CABIN1: variants seen among roughly 807,000 people sequenced by gnomAD.
CABIN1 encodes calcineurin binding protein 1, also known as calcineurin-binding protein cabin-1.
A neutral mutation model predicts 227.7 loss-of-function variants in CABIN1; 133 were observed. The ratio of observed to expected loss-of-function variants is 0.58; its 90% CI spans 0.51 to 0.67. The LOEUF (loss-of-function observed/expected upper bound fraction) is 0.67. CABIN1 is among the 30% of genes least tolerant of loss of function. The probability of loss-of-function intolerance (pLI) is 0.00; values close to 1 mark genes in which losing one functional copy is unlikely to be tolerated. For missense variants in CABIN1, 2,408 were observed against 2,852.5 expected (o/e 0.84, Z 3.55); for synonymous variants, 1,086 against 1,155.1 (o/e 0.94, Z 1.21).
intron 16 of CABIN1, among the ~76,000 whole-genome samples, chr22:24,067,935 C>T (rs770441457): frequency 5.9e-5 from 9 of 152,088 alleles, no homozygotes; most frequent in Admixed American, 3.9e-4. Context: ...GAAGATAATA[C>T]GCAAAATATG....
chr22:24,136,645 C>T (rs745729975), intron 29 of CABIN1, among the ~76,000 whole-genome samples: 3 of 147,376 alleles, frequency 2.0e-5, no homozygotes, highest in African/African-American at 5.1e-5. Context: ...GGATTACAGG[C>T]GTGAGTCACT....
chr22:24,166,833 C>T lies in CABIN1; in HGVS notation c.5202C>T (p.Ala1734=), dbSNP rs758198372. Reference sequence around the variant, plus strand: ...GCCTCCTCAACCACCGGCCTGTGGCCATGGATGCAGGAGACAGTGCAGACC... The same window carrying T: ...GCCTCCTCAACCACCGGCCTGTGGCTATGGATGCAGGAGACAGTGCAGACC... ...KVGLLNHRPV[A]MDAGDSADQS... Residue 1734 remains alanine (A), a synonymous_variant, in exon 32 of 37, where the codon GCC becomes GCT. Coordinates refer to ENST00000263119, the MANE Select transcript of CABIN1 (RefSeq NM_012295.4). 3 of 1,613,028 alleles carry T rather than the reference C, an allele frequency of 1.9e-6. No homozygotes were observed. Among genetic ancestry groups the T allele is most frequent in the Non-Finnish European group, 2.5e-6 (3 of 1,179,950 alleles).
Position 24,072,411 on chromosome 22 carries a change from G to A in CABIN1, c.2533G>A (p.Val845Met), listed in dbSNP as rs1211738684. Residue 845 changes from valine (V) to methionine (M), a missense_variant, in exon 18 of 37, where the codon GTG (valine) becomes ATG (methionine). Val to Met is a conservative substitution (Grantham distance 21). Around this residue, in one of 3 missense-constraint regions of CABIN1, gnomAD observed 1,045 missense variants for 1,168.4 expected, o/e 0.89. Coordinates refer to ENST00000263119, the MANE Select transcript of CABIN1 (RefSeq NM_012295.4). The stretch of plus-strand genomic sequence containing the variant: ...GGCCAAGGAGCCCCACGTCTCTTCA[G>A]TGCTACCCTGGATCATTCTACACCG... The part of the protein sequence containing the change: ...EEAKEPHVSS[V>M]LPWIILHRII... 1.2e-6 allele frequency: 2 copies of A among 1,614,210 alleles called. No individual in the cohort carries two copies. The highest frequency in any genetic ancestry group is 1.7e-6 in the Non-Finnish European group (2 of 1,180,024).
chr22:24,090,540 C>T (rs1050490145), intron 23 of CABIN1, among the ~76,000 whole-genome samples: 25 of 131,120 alleles, frequency 1.9e-4, no homozygotes, highest in South Asian at 6.8e-4. Context: ...TTTTTTTTTC[C>T]TGAGAAGTGT....
At position 24,168,511 on chromosome 22, in the gene CABIN1, C is replaced by G. The variant is rs925942907; in HGVS notation, c.5747C>G (p.Ala1916Gly). 1.3e-6 allele frequency: 2 copies of G among 1,557,854 alleles called. No homozygotes were observed. The highest frequency in any genetic ancestry group is 2.7e-5 in the African/African-American group (2 of 73,390). The change falls in exon 33 of 37, where the codon GCC becomes GGC. Residue 1916 changes from alanine (A) to glycine (G), a missense_variant. By Grantham distance (60) the Ala-to-Gly change is moderately conservative. This residue lies in a region of CABIN1 where 714 missense variants were observed against 773.8 expected (regional missense o/e 0.92). Coordinates refer to ENST00000263119, the MANE Select transcript of CABIN1 (RefSeq NM_012295.4). ...KFCQVHLGAA[A>G]QRQASGDTPT... Reference sequence around the variant, plus strand: ...TGCCAGGTCCATCTTGGGGCTGCCGCCCAGAGACAGGTAAGCCCAATTTAG... The same window carrying G: ...TGCCAGGTCCATCTTGGGGCTGCCGGCCAGAGACAGGTAAGCCCAATTTAG...
chr22:24,103,307 A>C (rs1401571148), intron 26 of CABIN1: 2 of 152,006 alleles, frequency 1.3e-5, no homozygotes, highest in Non-Finnish European at 2.9e-5. Context: ...CTATATTTCC[A>C]TTGCTTTGCT....
chr22:24,082,659 G>A (rs921708424), intron 19 of CABIN1, among the ~76,000 whole-genome samples: 11 of 152,050 alleles, frequency 7.2e-5, no homozygotes, highest in African/African-American at 9.7e-5. Context: ...AATAGCCGTC[G>A]GCTCTCATAT....
At chr22:24,084,519 A>G (rs2041020285) in intron 20 of CABIN1, 60 bp from the exon 21 acceptor site, 5 of 1,356,372 alleles carry the variant, frequency 3.7e-6, no homozygotes, top group Non-Finnish European at 5.3e-6. Context: ...GAGGAATGCA[A>G]TTTTCCTTCT....
chr22:24,177,896 G>A lies in CABIN1; in HGVS notation c.6519+79G>A. The A allele has an allele frequency of 2.6e-6, 4 of 1,518,796 alleles. No individual in the cohort carries two copies. The highest frequency in any genetic ancestry group is 1.9e-5 in the Admixed American group (1 of 53,624). 94.1% of individuals were successfully genotyped at this position (1,518,796 alleles called of 1,614,324 possible). On this transcript the variant is annotated intron_variant, in intron 36 of 36. Transcript: ENST00000263119. This position sits in a 1 kb window ranked among gnomAD's most constrained non-coding sequence, Gnocchi z 4.4. The stretch of plus-strand genomic sequence containing the variant: ...AAGGGGGCCTAGGATGGGGGTGGGG[G>A]TGGCAGGAGGGCCTGGGGTGTGGGT...
intron 3 of CABIN1, among the ~76,000 whole-genome samples, chr22:24,037,278 A>T (rs1322942745): frequency 6.6e-6 from 1 of 150,526 alleles, no homozygotes; most frequent in East Asian, 2.0e-4. Context: ...AAAAAAAAAA[A>T]GAAAAGAAAA....
intron 28 of CABIN1, among the ~76,000 whole-genome samples, chr22:24,128,702 C>T (rs796803967): frequency 5.3e-5 from 8 of 152,340 alleles, no homozygotes; most frequent in African/African-American, 1.2e-4. Context: ...TCATGGAACC[C>T]GTGAGCACCA....
In CABIN1 at chr22:24,101,867, A is replaced by ATG. The variant is rs60565595; in HGVS notation, c.4117+3692_4117+3693dup. 5.3e-3 allele frequency: 809 copies of ATG among 151,460 alleles called. 5 individuals are homozygous for ATG. The highest frequency in any genetic ancestry group is 7.4e-3 in the Non-Finnish European group (503 of 67,976). 9.4% of individuals were successfully genotyped at this position (151,460 alleles called of 1,614,324 possible). On this transcript the variant is annotated intron_variant, in intron 26 of 36. Transcript: ENST00000263119. ...CCCTGTGTACAGTATGCGTGTATGTATGTGTGTGTGTGTGTGTGCCCGTGT... is the reference window on the plus strand; with the variant it reads ...CCCTGTGTACAGTATGCGTGTATGTATGTGTGTGTGTGTGTGTGTGCCCGTGT...
chr22:24,079,728 G>A (rs770272569), intron 19 of CABIN1, among the ~76,000 whole-genome samples: 37 of 152,154 alleles, frequency 2.4e-4, no homozygotes, highest in Admixed American at 1.8e-3. Context: ...CACATGATTT[G>A]CCCATCTTTC....
chr22:24,087,338 T>C, intron 22 of CABIN1, 114 bp from the exon 23 acceptor site: 1 of 1,370,524 alleles, frequency 7.3e-7, no homozygotes, highest in East Asian at 2.4e-5. Flanking sequence ...CTCTGAGCCC[T>C]GGTGTGGGAA....
At position 24,062,948 on chromosome 22, in the gene CABIN1, A is replaced by G; in HGVS notation, c.1697-11A>G. ...CACATGAAGTTGACTCGTTGGCCTG[A>G]TGGTTTTTAGTGTCTCCTCGGAACT... On this transcript the variant is annotated splice_polypyrimidine_tract_variant and intron_variant, in intron 13 of 36. Transcript: ENST00000263119. 1 of 1,613,892 alleles carries G rather than the reference A, an allele frequency of 6.2e-7. No individual in the cohort carries two copies. The highest frequency in any genetic ancestry group is 8.5e-7 in the Non-Finnish European group (1 of 1,179,806).
At position 24,152,940 on chromosome 22, in the gene CABIN1, GAAA is replaced by G. The variant is rs587594436; in HGVS notation, c.4747-11453_4747-11451del. Among the ~76,000 whole-genome samples the G allele has an allele frequency of 6.7e-5, 10 of 149,698 alleles. No individual in the cohort carries two copies. The South Asian group carries it at 2.1e-3, about 32-fold the overall frequency. ...ACTCCAGCTTGGGCGACAGAGCAGA[GAAA>G]AAAAAAGAAAGGAGCCAGGAGAAAT... On this transcript the variant is annotated intron_variant, in intron 29 of 36. Transcript: ENST00000263119.
intron 19 of CABIN1, among the ~76,000 whole-genome samples, chr22:24,081,563 TA>T (rs965631844): frequency 6.6e-6 from 1 of 152,208 alleles, no homozygotes; most frequent in African/African-American, 2.4e-5. Context: ...CTTTTCAAAT[TA>T]CTGACTATTG....
Position 24,168,436 on chromosome 22 carries a change from T to A in CABIN1, c.5683-11T>A, listed in dbSNP as rs745667587. On this transcript the variant is annotated splice_polypyrimidine_tract_variant and intron_variant, in intron 32 of 36. Transcript: ENST00000263119. ...CCTGCGCCCCCTGACTTCCAGCATC[T>A]CCCTGTTAAGGTGGATGAGGAGGCT... is the stretch of plus-strand genomic sequence containing the variant. The A allele has an allele frequency of 6.4e-7, 1 of 1,566,924 alleles. No individual in the cohort carries two copies. Among genetic ancestry groups the A allele is most frequent in the South Asian group, 1.2e-5 (1 of 85,368 alleles).
At chr22:24,130,458 C>T (rs2044003401) in intron 28 of CABIN1, among the ~76,000 whole-genome samples, 1 of 152,176 alleles carries the variant, frequency 6.6e-6, no homozygotes, top group Non-Finnish European at 1.5e-5. Context: ...TTCTCTGAGC[C>T]TCTATTTCCT....
Sources: gnomAD v4.1 joint callset for allele counts (sites outside exome capture counted in the v4.1 genomes callset) on GRCh38, gnomAD v4.1.1 for gene constraint, gnomAD v4.1.1 regional missense constraint, Gnocchi (gnomAD v3.1) non-coding constraint, MANE v1.5 for transcripts, NCBI Gene and HGNC (gene_info 2026-07-23, HGNC 2026-07-21) for gene names.